PPP2CB: variants seen among roughly 807,000 people sequenced by gnomAD.
The protein encoded by PPP2CB is serine/threonine-protein phosphatase 2A catalytic subunit beta isoform.
A neutral mutation model predicts 39.1 loss-of-function variants in PPP2CB; 18 were observed. The observed-to-expected ratio is 0.46, with a 90% confidence interval of 0.32 to 0.68. The LOEUF is 0.68. Ranked by LOEUF, PPP2CB falls within the 30% of genes least tolerant of loss-of-function variation. The pLI, the probability that PPP2CB is intolerant of heterozygous loss-of-function variation, is 0.04. For synonymous variants in PPP2CB, 129 were observed against 133.8 expected (o/e 0.96, Z 0.25); for missense variants, 226 against 396.9 (o/e 0.57, Z 3.66).
At chr8:30,789,156 G>T (rs1369416029) in intron 6 of PPP2CB, among the ~76,000 whole-genome samples, 1 of 151,592 alleles carries the variant, frequency 6.6e-6, no homozygotes, top group Non-Finnish European at 1.5e-5. Context: ...TCAGCCTCCT[G>T]AGTAGCTGGG....
intron 5 of PPP2CB, 68 bp downstream of exon 5, chr8:30,793,849 C>A: frequency 6.9e-7 from 1 of 1,456,354 alleles, no homozygotes; most frequent in South Asian, 1.5e-5. Flanking sequence ...TTAGTTAAGT[C>A]ATAATGCCTT....
chr8:30,791,007 C>T, intron 6 of PPP2CB, 190 bp downstream of exon 6: 3 of 503,980 alleles, frequency 6.0e-6, no homozygotes, highest in Non-Finnish European at 6.9e-6. Context: ...TGCTGTATGC[C>T]CTTAGGACAA....
chr8:30,788,978 T>C (rs1156770495), intron 6 of PPP2CB, among the ~76,000 whole-genome samples: 2 of 152,342 alleles, frequency 1.3e-5, no homozygotes, highest in South Asian at 4.1e-4. Flanking sequence ...TTTAGTGACT[T>C]AGCTGAACTA....
In PPP2CB at chr8:30,786,230, G is replaced by T. The variant is rs1430739217; in HGVS notation, c.*5C>A. The T allele has an allele frequency of 5.1e-6, 8 of 1,557,298 alleles. No homozygotes were observed. The Admixed American group carries it at 8.0e-5, about 16-fold the overall frequency. On this transcript the variant is annotated 3_prime_UTR_variant, in exon 7 of 7. Transcript: ENST00000221138. ...ACATACAAAGGCAGGTTTCCCAGGA[G>T]AAATTTATAGGAAGTAGTCTGGGGT...
intron 1 of PPP2CB, among the ~76,000 whole-genome samples, chr8:30,809,471 G>A (rs1471081684): frequency 6.6e-6 from 1 of 152,068 alleles, no homozygotes; most frequent in African/African-American, 2.4e-5. Flanking sequence ...ACAAAGCTAG[G>A]TCATAGCTGC....
At position 30,812,536 on chromosome 8, in the gene PPP2CB, G is replaced by C. The variant is rs1806859422; in HGVS notation, c.-115C>G. ...GCTCCCCTCTCCCTCCGCCGCCGTC[G>C]CCAGGTCCCACAGGGGGAGGACTGA... On this transcript the variant is annotated 5_prime_UTR_variant, in exon 1 of 7. Coordinates refer to ENST00000221138, the MANE Select transcript of PPP2CB (RefSeq NM_001009552.2). 4.7e-6 allele frequency: 3 copies of C among 642,838 alleles called. No homozygotes were observed. The highest frequency in any genetic ancestry group is 3.1e-5 in the South Asian group (1 of 32,208). The allele number at this position is 642,838 out of a possible 1,614,324, so 39.8% of individuals were successfully genotyped here. A position where few individuals can be genotyped will look rare whatever the true frequency, so the allele number is the denominator to read the frequency against.
At chr8:30,794,486 T>C (rs1296813854) in intron 3 of PPP2CB, 9 of 453,564 alleles carry the variant, frequency 2.0e-5, no homozygotes, top group South Asian at 6.2e-5. Flanking sequence ...TTTTTTTTTT[T>C]CCCCTCCCTC....
intron 6 of PPP2CB, among the ~76,000 whole-genome samples, chr8:30,788,643 C>T (rs1452401650): frequency 2.6e-5 from 4 of 152,202 alleles, no homozygotes; most frequent in Non-Finnish European, 5.9e-5. Flanking sequence ...GTTTTACAGT[C>T]TAGCATATGA....
chr8:30,806,050 T>G (rs1806719316), intron 1 of PPP2CB, among the ~76,000 whole-genome samples: 1 of 150,292 alleles, frequency 6.7e-6, no homozygotes, highest in African/African-American at 2.4e-5. Flanking sequence ...AATATGATTT[T>G]TTTTTTTTTT....
In PPP2CB at chr8:30,812,237, G is replaced by A. The variant is rs2128763409; in HGVS notation, c.102+83C>T. 6.5e-6 allele frequency: 7 copies of A among 1,075,884 alleles called. No homozygotes were observed. In the East Asian group the frequency reaches 2.3e-4, roughly 35 times the overall value. The allele number at this position is 1,075,884 out of a possible 1,614,324, so 66.6% of individuals were successfully genotyped here. A position where few individuals can be genotyped will look rare whatever the true frequency, so the allele number is the denominator to read the frequency against. On this transcript the variant is annotated intron_variant, in intron 1 of 6. Transcript: ENST00000221138. The stretch of plus-strand genomic sequence containing the variant: ...CCCCCGGTGGGCCGCGCCGGGCCAG[G>A]GGCGGACGGGACCGGGGCGGGCAGG...
rs1806867446 is a variant in PPP2CB at position 30,812,760 on chromosome 8, C to G, written c.-339G>C. 2.1e-6 allele frequency: 1 copy of G among 469,230 alleles called. No individual in the cohort carries two copies. The highest frequency in any genetic ancestry group is 3.3e-4 in the Middle Eastern group (1 of 3,040). The allele number at this position is 469,230 out of a possible 1,614,324, so 29.1% of individuals were successfully genotyped here. A position where few individuals can be genotyped will look rare whatever the true frequency, so the allele number is the denominator to read the frequency against. On this transcript the variant is annotated 5_prime_UTR_variant, in exon 1 of 7. Transcript: ENST00000221138. ...CTCGCCGGACGAAGGCCGCCCGCTG[C>G]CGCTTCAGGCCCGCCTCACGCCTAC...
At chr8:30,794,872 T>C (rs1806493912) in intron 3 of PPP2CB, among the ~76,000 whole-genome samples, 1 of 152,242 alleles carries the variant, frequency 6.6e-6, no homozygotes, top group South Asian at 2.1e-4. Flanking sequence ...TTTCAGTTCC[T>C]TCATATTTTC....
intron 6 of PPP2CB, among the ~76,000 whole-genome samples, chr8:30,786,979 T>A (rs568450753): frequency 1.7e-4 from 26 of 152,310 alleles, no homozygotes; most frequent in South Asian, 4.1e-4. Flanking sequence ...ATCACTATTT[T>A]CTTGAGTGTT....
intron 1 of PPP2CB, among the ~76,000 whole-genome samples, chr8:30,806,734 G>A (rs1023474184): frequency 2.0e-5 from 3 of 152,116 alleles, no homozygotes; most frequent in African/African-American, 7.2e-5. Flanking sequence ...GTACTGAAGA[G>A]AAAAGACTGT....
chr8:30,804,237 G>C (rs923463473), intron 1 of PPP2CB, among the ~76,000 whole-genome samples: 4 of 152,166 alleles, frequency 2.6e-5, no homozygotes, highest in African/African-American at 9.6e-5. Context: ...CATGTATTTT[G>C]GTATTGCCAT....
rs1283070028 is a variant in PPP2CB at position 30,794,340 on chromosome 8, A to G, written c.487-59T>C. 5.1e-6 allele frequency: 7 copies of G among 1,369,976 alleles called. No individual in the cohort carries two copies. In the African/African-American group the frequency reaches 1.0e-4, roughly 20 times the overall value. 84.9% of individuals were successfully genotyped at this position (1,369,976 alleles called of 1,614,324 possible). ...TTTTACTAACTCCAAACAGTTAACA[A>G]AGAGTAAATAATGGTTAAAAGTGTC... On this transcript the variant is annotated intron_variant, in intron 3 of 6. Coordinates refer to ENST00000221138, the MANE Select transcript of PPP2CB (RefSeq NM_001009552.2).
chr8:30,799,525 A>T (rs972245050), intron 2 of PPP2CB, 21 bp downstream of exon 2: 6 of 1,589,748 alleles, frequency 3.8e-6, no homozygotes, highest in Non-Finnish European at 5.2e-6. Flanking sequence ...TGAAAAAAAA[A>T]TTGAATTTCA....
chr8:30,809,399 C>T (rs572987578), intron 1 of PPP2CB, among the ~76,000 whole-genome samples: 3 of 152,030 alleles, frequency 2.0e-5, no homozygotes, highest in Middle Eastern at 3.4e-3. Flanking sequence ...GGATATAAAA[C>T]GGAACTAGAA....
intron 5 of PPP2CB, among the ~76,000 whole-genome samples, chr8:30,791,866 A>G (rs956299489): frequency 1.5e-4 from 20 of 131,268 alleles, no homozygotes; most frequent in African/African-American, 3.3e-4. Flanking sequence ...GTATATATGT[A>G]TATATGTGTG....
Sources: allele counts gnomAD v4.1 joint callset (sites outside exome capture counted in the v4.1 genomes callset), GRCh38; gene constraint gnomAD v4.1.1; transcripts MANE v1.5; gene names NCBI Gene and HGNC (gene_info 2026-07-23, HGNC 2026-07-21).